Variants in MAGI1 observed in about 807,000 individuals in gnomAD.
MAGI1 encodes membrane associated guanylate kinase, WW and PDZ domain containing 1.
Under a neutral mutation model 139.9 loss-of-function variants are expected in MAGI1, and 58 were observed. That is an observed-to-expected ratio of 0.41 (90% CI 0.34 to 0.52). MAGI1 has a LOEUF of 0.52. Ranked by LOEUF, MAGI1 falls within the 20% of genes least tolerant of loss-of-function variation. The pLI, the probability that MAGI1 is intolerant of heterozygous loss-of-function variation, is 0.12. For synonymous variants in MAGI1, 812 were observed against 737.9 expected (o/e 1.10, Z -1.63); for missense variants, 1,874 against 1,901.6 (o/e 0.99, Z 0.27).
chr3:65,757,529 T>C lies in MAGI1; in HGVS notation c.314-135441A>G, dbSNP rs60411130. Among the ~76,000 whole-genome samples, 1,090 of 152,226 alleles carry C rather than the reference T, an allele frequency of 7.2e-3. 13 individuals are homozygous for C. Among genetic ancestry groups the C allele is most frequent in the African/African-American group, 0.023 (943 of 41,536 alleles). On this transcript the variant is annotated intron_variant, in intron 1 of 22. Transcript: ENST00000402939. ...GGTGCACACCTGTAATCCCAGCTACTTGGGAGGCTAAGGCAGGAGAATTGC... is the reference window on the plus strand; with the variant it reads ...GGTGCACACCTGTAATCCCAGCTACCTGGGAGGCTAAGGCAGGAGAATTGC...
intron 1 of MAGI1, among the ~76,000 whole-genome samples, chr3:65,650,853 T>G (rs561698973): frequency 8.5e-4 from 130 of 152,318 alleles, no homozygotes; most frequent in African/African-American, 2.7e-3. Context: ...TAAACTACTA[T>G]ACGATTCTTA....
chr3:65,994,245 G>A (rs1393404153), intron 1 of MAGI1, among the ~76,000 whole-genome samples: 2 of 137,436 alleles, frequency 1.5e-5, no homozygotes, highest in Non-Finnish European at 3.0e-5. Flanking sequence ...CTGCACTCCA[G>A]CCTGGGCGAC....
chr3:65,406,037 T>G (rs1365996753), intron 12 of MAGI1, among the ~76,000 whole-genome samples: 1 of 152,202 alleles, frequency 6.6e-6, no homozygotes, highest in Non-Finnish European at 1.5e-5. Context: ...CTATACTGCT[T>G]TTTAAGATAA....
intron 1 of MAGI1, among the ~76,000 whole-genome samples, chr3:65,786,608 A>ATTTTTTTTTTTTTTTTTTTTTTTTTTT (rs34768515): frequency 7.8e-6 from 1 of 128,374 alleles, no homozygotes. Context: ...TGGCCCAAGA[A>ATTTTTTTTTTTTTTTTTTTTTTTTTTT]TTTTTTTTTT....
intron 1 of MAGI1, among the ~76,000 whole-genome samples, chr3:65,982,270 T>C (rs928647347): frequency 6.6e-6 from 1 of 152,208 alleles, no homozygotes; most frequent in African/African-American, 2.4e-5. Flanking sequence ...GAGACTGGCC[T>C]GGGGTTTTAA....
chr3:65,858,027 T>C (rs1303106752), intron 1 of MAGI1, among the ~76,000 whole-genome samples: 2 of 152,132 alleles, frequency 1.3e-5, no homozygotes, highest in Non-Finnish European at 2.9e-5. Context: ...GAGGATTGCT[T>C]GAGCCCAGGA....
At position 65,784,036 on chromosome 3, in the gene MAGI1, T is replaced by A. The variant is rs190305561; in HGVS notation, c.314-161948A>T. 1.3e-4 allele frequency among the ~76,000 whole-genome samples: 19 copies of A among 151,882 alleles called. No homozygotes were observed. The East Asian group carries it at 3.7e-3, about 30-fold the overall frequency. Reference sequence around the variant, plus strand: ...TACTCAGGAGGCTGAGGCAGGAGAATCCCTTGAACCTGGGAGGTGGAGGTT... The same window carrying A: ...TACTCAGGAGGCTGAGGCAGGAGAAACCCTTGAACCTGGGAGGTGGAGGTT... On this transcript the variant is annotated intron_variant, in intron 1 of 22. Transcript: ENST00000402939.
intron 2 of MAGI1, among the ~76,000 whole-genome samples, chr3:65,538,943 A>G (rs1392331322): frequency 6.6e-6 from 1 of 151,884 alleles, no homozygotes; most frequent in African/African-American, 2.4e-5. Context: ...CGTCAACCAC[A>G]AACATGTACT....
At chr3:65,518,462 G>A (rs185787324) in intron 2 of MAGI1, among the ~76,000 whole-genome samples, 2 of 152,092 alleles carry the variant, frequency 1.3e-5, no homozygotes, top group Non-Finnish European at 2.9e-5. Flanking sequence ...TTAACTTCAC[G>A]AGAAAATAAT....
chr3:65,840,388 C>T (rs989487013), intron 1 of MAGI1, among the ~76,000 whole-genome samples: 2 of 152,158 alleles, frequency 1.3e-5, no homozygotes, highest in African/African-American at 4.8e-5. Context: ...ACAATGATAG[C>T]TCCAGGTTTT....
chr3:65,444,271 G>A (rs916838841), intron 7 of MAGI1, among the ~76,000 whole-genome samples: 3 of 152,064 alleles, frequency 2.0e-5, no homozygotes, highest in Admixed American at 6.6e-5. Context: ...CTTGCGGACC[G>A]ATGCAAATTG....
intron 1 of MAGI1, among the ~76,000 whole-genome samples, chr3:65,806,431 A>C (rs968389888): frequency 6.6e-6 from 1 of 152,180 alleles, no homozygotes; most frequent in African/African-American, 2.4e-5. Flanking sequence ...CCATTTCAAA[A>C]AAAAAAAATG....
intron 1 of MAGI1, among the ~76,000 whole-genome samples, chr3:65,994,150 T>C (rs960338031): frequency 2.0e-5 from 3 of 151,648 alleles, no homozygotes; most frequent in African/African-American, 4.9e-5. Context: ...GGTGGGTGCC[T>C]GTAATCCTAG....
At chr3:65,845,188 T>A (rs1575682488) in intron 1 of MAGI1, among the ~76,000 whole-genome samples, 1 of 151,786 alleles carries the variant, frequency 6.6e-6, no homozygotes, top group Admixed American at 6.6e-5. Context: ...GAGGCGGCGG[T>A]TGCAGTGAGC....
rs555841555 is a variant in MAGI1 at position 65,760,118 on chromosome 3, A to C, written c.314-138030T>G. 3.7e-4 allele frequency among the ~76,000 whole-genome samples: 56 copies of C among 152,048 alleles called. 1 individual carries two copies. Among genetic ancestry groups the C allele is most frequent in the Non-Finnish European group, 6.6e-4 (45 of 68,032 alleles). On this transcript the variant is annotated intron_variant, in intron 1 of 22. Coordinates refer to ENST00000402939, the MANE Select transcript of MAGI1 (RefSeq NM_001033057.2). ...TGGAAAATAAATGCTAACCACTGTTACTATGATTGTTGTCATCATTGTCTT... is the reference window on the plus strand; with the variant it reads ...TGGAAAATAAATGCTAACCACTGTTCCTATGATTGTTGTCATCATTGTCTT...
At chr3:65,382,614 G>A (rs1276882824) in intron 15 of MAGI1, among the ~76,000 whole-genome samples, 1 of 152,130 alleles carries the variant, frequency 6.6e-6, no homozygotes, top group Non-Finnish European at 1.5e-5. Context: ...CTAAACCTTA[G>A]CTAAAATATT....
chr3:65,871,333 G>A (rs2059932424), intron 1 of MAGI1, among the ~76,000 whole-genome samples: 1 of 152,134 alleles, frequency 6.6e-6, no homozygotes, highest in African/African-American at 2.4e-5. Context: ...ACTGGGGTTG[G>A]GGGTTGTGGG....
chr3:65,453,408 CG>C, intron 5 of MAGI1, 68 bp from the exon 6 acceptor site: 1 of 1,104,280 alleles, frequency 9.1e-7, no homozygotes, highest in Non-Finnish European at 1.3e-6. Context: ...AGCCCAATGA[CG>C]GAATTACACA....
intron 1 of MAGI1, among the ~76,000 whole-genome samples, chr3:65,749,929 C>T (rs531697646): frequency 1.3e-5 from 2 of 152,178 alleles, no homozygotes; most frequent in South Asian, 4.1e-4. Context: ...TTTCCACCTA[C>T]TCCATAATGC....
Sources: gnomAD v4.1 joint callset for allele counts (sites outside exome capture counted in the v4.1 genomes callset) on GRCh38, gnomAD v4.1.1 for gene constraint, MANE v1.5 for transcripts, NCBI Gene and HGNC (gene_info 2026-07-23, HGNC 2026-07-21) for gene names.